Variants in PKD2L2 observed in about 807,000 individuals in gnomAD.
PKD2L2 encodes polycystin 2 like 2, transient receptor potential cation channel.
In PKD2L2, 67 loss-of-function variants were observed where a neutral mutation model predicts 83.9. That is an observed-to-expected ratio of 0.80 (90% CI 0.66 to 0.98). The LOEUF is 0.98. PKD2L2 is among the 50% of genes least tolerant of loss of function. PKD2L2 has a pLI of 0.00. For synonymous variants in PKD2L2, 223 were observed against 237.8 expected (o/e 0.94, Z 0.57); for missense variants, 632 against 717.2 (o/e 0.88, Z 1.36).
intron 14 of PKD2L2, among the ~76,000 whole-genome samples, chr5:137,936,829 CAACCT>C (rs1760469449): frequency 6.6e-6 from 1 of 152,214 alleles, no homozygotes; most frequent in Non-Finnish European, 1.5e-5. Context: ...AAGTACTCAA[CAACCT>C]ATCATCAAAC....
chr5:137,890,824 A>G (rs1362077560), intron 2 of PKD2L2, among the ~76,000 whole-genome samples: 2 of 152,248 alleles, frequency 1.3e-5, no homozygotes, highest in East Asian at 3.8e-4. Context: ...CATAGTCAAT[A>G]CTGACTGAAT....
intron 1 of PKD2L2, 82 bp downstream of exon 1, chr5:137,889,604 A>C: frequency 7.8e-7 from 1 of 1,284,172 alleles, no homozygotes; most frequent in Non-Finnish European, 1.0e-6. Flanking sequence ...TGCGGCCCCA[A>C]ATTCGTTTGA....
intron 8 of PKD2L2, among the ~76,000 whole-genome samples, chr5:137,913,424 A>T (rs1280278471): frequency 6.6e-6 from 1 of 151,572 alleles, no homozygotes; most frequent in Non-Finnish European, 1.5e-5. Flanking sequence ...AGCCTCAAGC[A>T]ATCTCCAACC....
intron 8 of PKD2L2, among the ~76,000 whole-genome samples, chr5:137,911,240 A>AT (rs1420818539): frequency 6.6e-6 from 1 of 152,114 alleles, no homozygotes; most frequent in Non-Finnish European, 1.5e-5. Flanking sequence ...TTGTGACTGG[A>AT]TTACTTCACT....
chr5:137,942,218 T>C (rs1439663154), intron 14 of PKD2L2, among the ~76,000 whole-genome samples, 166 bp from the exon 15 acceptor site: 1 of 152,236 alleles, frequency 6.6e-6, no homozygotes, highest in Middle Eastern at 3.2e-3. Context: ...CAAGCATCAG[T>C]ACTTTAAAAT....
chr5:137,932,629 G>A (rs34313987), intron 12 of PKD2L2, among the ~76,000 whole-genome samples: 4,997 of 152,212 alleles, frequency 0.033, 125 homozygotes, highest in Middle Eastern at 0.054. Flanking sequence ...AGGGGCTTGT[G>A]GAGCTGTTGC....
intron 9 of PKD2L2, 38 bp downstream of exon 9, chr5:137,921,794 T>C (rs200418002): frequency 6.8e-7 from 1 of 1,463,358 alleles, no homozygotes; most frequent in Non-Finnish European, 9.4e-7. Context: ...TCTTACTTTT[T>C]AGAATAAAAA....
chr5:137,939,849 AT>A, intron 14 of PKD2L2: 3 of 1,291,794 alleles, frequency 2.3e-6, no homozygotes, highest in Non-Finnish European at 2.9e-6. Flanking sequence ...TTTTCCTCCA[AT>A]TTTCTTCAGT....
At chr5:137,898,635 C>A (rs1027579780) in intron 4 of PKD2L2, among the ~76,000 whole-genome samples, 2 of 152,116 alleles carry the variant, frequency 1.3e-5, no homozygotes, top group Non-Finnish European at 2.9e-5. Flanking sequence ...GACACTGCAG[C>A]CTCAAACTAC....
rs1424119981 is a variant in PKD2L2, at chr5:137,925,044, AC to A, written c.1557del (p.Tyr519Ter). The A allele has an allele frequency of 1.3e-6, 2 of 1,581,030 alleles. No homozygotes were observed. Among genetic ancestry groups the A allele is most frequent in the Non-Finnish European group, 1.7e-6 (2 of 1,150,440 alleles). Reference sequence around the variant, plus strand: ...ACTATTTTAAATTATGCCCAGAGTTACAAAAATGTTCTCGAGAAATTCAGAC... The same window carrying A: ...ACTATTTTAAATTATGCCCAGAGTTAAAAAATGTTCTCGAGAAATTCAGAC... ...FELGKMIKQSYKNVLEKFRLK... is the reference protein window; with the variant it reads ...FELGKMIKQSXKNVLEKFRLK... On this transcript the variant is annotated frameshift_variant, in exon 11 of 15. Coordinates refer to ENST00000508883, the MANE Select transcript of PKD2L2 (RefSeq NM_001300921.2). LOFTEE classifies it high-confidence loss of function.
Position 137,935,993 on chromosome 5 carries a change from A to G in PKD2L2, c.1784+84A>G, listed in dbSNP as rs1581006419. ...TGAGTTAAACACATTATTTTCCTGA[A>G]CCCAAAACTTTACTCTATTAGGATG... On this transcript the variant is annotated intron_variant, in intron 13 of 14. Transcript: ENST00000508883. 6 of 811,730 alleles carry G rather than the reference A, an allele frequency of 7.4e-6. No homozygotes were observed. In the East Asian group the frequency reaches 1.5e-4, roughly 20 times the overall value. The allele number at this position is 811,730 out of a possible 1,614,324, so 50.3% of individuals were successfully genotyped here.
intron 8 of PKD2L2, among the ~76,000 whole-genome samples, chr5:137,912,055 T>G (rs1757884579): frequency 6.6e-6 from 1 of 152,226 alleles, no homozygotes; most frequent in Non-Finnish European, 1.5e-5. Flanking sequence ...CATTTAACCA[T>G]TAATAGACAT....
intron 3 of PKD2L2, among the ~76,000 whole-genome samples, chr5:137,893,123 G>C (rs1252213055): frequency 6.6e-6 from 1 of 152,076 alleles, no homozygotes; most frequent in Non-Finnish European, 1.5e-5. Flanking sequence ...TTGTTAAATA[G>C]AAGACTTGCA....
intron 12 of PKD2L2, among the ~76,000 whole-genome samples, chr5:137,932,082 G>A (rs1237870955): frequency 6.6e-6 from 1 of 152,056 alleles, no homozygotes; most frequent in African/African-American, 2.4e-5. Context: ...AAAATACCGG[G>A]CATGGTGGTT....
At chr5:137,928,829 GA>G (rs1277657424) in intron 12 of PKD2L2, among the ~76,000 whole-genome samples, 1 of 152,166 alleles carries the variant, frequency 6.6e-6, no homozygotes, top group African/African-American at 2.4e-5. Context: ...CTTGGCCTCT[GA>G]AAGTGTTGGG....
At chr5:137,936,970 T>G (rs1760487224) in intron 14 of PKD2L2, among the ~76,000 whole-genome samples, 2 of 152,148 alleles carry the variant, frequency 1.3e-5, no homozygotes, top group Non-Finnish European at 2.9e-5. Flanking sequence ...ATTATCAAAT[T>G]CTAGAAAAGT....
intron 14 of PKD2L2, chr5:137,941,866 G>T (rs114279768): frequency 8.4e-7 from 1 of 1,188,886 alleles, no homozygotes; most frequent in Non-Finnish European, 1.2e-6. Context: ...CTAATCCCAC[G>T]TATTCCATTA....
At chr5:137,897,151 G>A (rs551483000) in intron 4 of PKD2L2, among the ~76,000 whole-genome samples, 1 of 151,408 alleles carries the variant, frequency 6.6e-6, no homozygotes, top group African/African-American at 2.4e-5. Context: ...TGACCTCCGG[G>A]GCTCAAGCAA....
At chr5:137,936,460 C>CTT (rs375553066) in intron 14 of PKD2L2, 33 bp downstream of exon 14, 4,189 of 1,255,014 alleles carry the variant, frequency 3.3e-3, no homozygotes, top group Non-Finnish European at 3.7e-3. Flanking sequence ...TTGAGCATTT[C>CTT]TTTTTTTTTT....
Sources: allele counts gnomAD v4.1 joint callset (sites outside exome capture counted in the v4.1 genomes callset), GRCh38; gene constraint gnomAD v4.1.1; transcripts MANE v1.5; gene names NCBI Gene and HGNC (gene_info 2026-07-23, HGNC 2026-07-21).